BACE2: variants seen among roughly 807,000 people sequenced by gnomAD.
BACE2 encodes the protein 56 kDa aspartic-like protease.
In BACE2, 17 loss-of-function variants were observed where a neutral mutation model predicts 46.2. The ratio of observed to expected loss-of-function variants is 0.37; its 90% CI spans 0.25 to 0.55. BACE2 has a LOEUF of 0.55. BACE2 is among the 20% of genes least tolerant of loss of function. The probability of loss-of-function intolerance (pLI) is 0.82; values close to 1 mark genes in which losing one functional copy is unlikely to be tolerated. For synonymous variants in BACE2, 277 were observed against 295.9 expected (o/e 0.94, Z 0.66); for missense variants, 595 against 698.1 (o/e 0.85, Z 1.66).
At chr21:41,257,755 A>G (rs1346541346) in intron 8 of BACE2, among the ~76,000 whole-genome samples, 4 of 152,218 alleles carry the variant, frequency 2.6e-5, no homozygotes, top group African/African-American at 9.7e-5. Context: ...TGAAATCCTA[A>G]TATAATGAGA....
At chr21:41,250,993 TA>T (rs1987621847) in intron 7 of BACE2, 92 bp downstream of exon 7, 4 of 1,214,908 alleles carry the variant, frequency 3.3e-6, no homozygotes, top group Non-Finnish European at 4.7e-6. Context: ...ACACCTGCAT[TA>T]GATCTCTATC....
intron 2 of BACE2, among the ~76,000 whole-genome samples, chr21:41,229,464 T>C (rs1171909768): frequency 6.6e-6 from 1 of 152,232 alleles, no homozygotes; most frequent in African/African-American, 2.4e-5. Flanking sequence ...ACTTTTTTCA[T>C]GGCAGATAAA....
chr21:41,238,891 C>T (rs1987208023), intron 3 of BACE2, among the ~76,000 whole-genome samples: 1 of 134,260 alleles, frequency 7.4e-6, no homozygotes, highest in Non-Finnish European at 1.5e-5. Context: ...CAGCATGGCA[C>T]ATGTATACAT....
At chr21:41,205,799 C>T (rs1986104779) in intron 1 of BACE2, among the ~76,000 whole-genome samples, 1 of 152,148 alleles carries the variant, frequency 6.6e-6, no homozygotes, top group Admixed American at 6.5e-5. Flanking sequence ...GAAAGAGAAG[C>T]CTGGTCTTCC....
At chr21:41,223,765 T>A (rs78204787) in intron 1 of BACE2, among the ~76,000 whole-genome samples, 6,567 of 152,286 alleles carry the variant, frequency 0.043, 473 homozygotes, top group African/African-American at 0.15. Flanking sequence ...AAAAGATGAC[T>A]ATTAGCCAGC....
intron 1 of BACE2, among the ~76,000 whole-genome samples, chr21:41,206,575 G>T (rs1986132835): frequency 6.6e-6 from 1 of 152,226 alleles, no homozygotes; most frequent in African/African-American, 2.4e-5. Context: ...TTTATGTGAG[G>T]TTCCTGGAGA....
At chr21:41,170,631 G>GGGCA (rs1375302736) in intron 1 of BACE2, among the ~76,000 whole-genome samples, 1 of 152,166 alleles carries the variant, frequency 6.6e-6, no homozygotes, top group Non-Finnish European at 1.5e-5. Flanking sequence ...CGGCTAGAGG[G>GGGCA]GGCAGCAGTG....
At chr21:41,265,907 T>C (rs1219059946) in intron 8 of BACE2, among the ~76,000 whole-genome samples, 3 of 152,250 alleles carry the variant, frequency 2.0e-5, no homozygotes, top group African/African-American at 7.2e-5. Context: ...AGTACTTTCA[T>C]GTTTGATTTA....
At position 41,275,120 on chromosome 21, in the gene BACE2, C is replaced by T. The variant is rs557399799; in HGVS notation, c.1304-251C>T. On this transcript the variant is annotated intron_variant, in intron 8 of 8. Coordinates refer to ENST00000330333, the MANE Select transcript of BACE2 (RefSeq NM_012105.5). ...GGGTGCTTCCATATGTGCCCTGCTG[C>T]AGTTCCCCTCCACACCTAGGCTCGG... 3.9e-5 allele frequency among the ~76,000 whole-genome samples: 6 copies of T among 152,330 alleles called. No homozygotes were observed. In the East Asian group the frequency reaches 1.2e-3, roughly 29 times the overall value.
intron 4 of BACE2, among the ~76,000 whole-genome samples, chr21:41,243,155 G>A (rs546024725): frequency 3.3e-5 from 5 of 152,142 alleles, no homozygotes; most frequent in East Asian, 1.9e-4. Context: ...TTCATGATCC[G>A]CCCACCTCAG....
At chr21:41,172,141 T>C (rs1035111060) in intron 1 of BACE2, among the ~76,000 whole-genome samples, 2 of 152,134 alleles carry the variant, frequency 1.3e-5, no homozygotes, top group African/African-American at 2.4e-5. Flanking sequence ...GAAAAAACAA[T>C]TACTGAGGTT....
intron 1 of BACE2, chr21:41,186,473 G>C (rs565558947): frequency 6.6e-6 from 1 of 152,408 alleles, no homozygotes; most frequent in Non-Finnish European, 1.5e-5. Flanking sequence ...CTGCTTCACC[G>C]TCTCTTGCTG....
chr21:41,244,677 CAG>C (rs1288993140), intron 5 of BACE2, among the ~76,000 whole-genome samples: 1 of 152,180 alleles, frequency 6.6e-6, no homozygotes, highest in Non-Finnish European at 1.5e-5. Context: ...GTCACAGTCA[CAG>C]GGGATAAGAT....
intron 1 of BACE2, among the ~76,000 whole-genome samples, chr21:41,198,979 G>A (rs1005955588): frequency 3.3e-5 from 5 of 150,656 alleles, no homozygotes; most frequent in Admixed American, 1.3e-4. Context: ...CCATTAACTC[G>A]TCATTTACAT....
chr21:41,204,886 G>A (rs902444804), intron 1 of BACE2, among the ~76,000 whole-genome samples: 1 of 152,172 alleles, frequency 6.6e-6, no homozygotes, highest in African/African-American at 2.4e-5. Context: ...CTTTAAGAAA[G>A]TCTTTTTAGA....
chr21:41,208,244 C>G (rs1045665765), intron 1 of BACE2, among the ~76,000 whole-genome samples: 2 of 152,246 alleles, frequency 1.3e-5, no homozygotes, highest in African/African-American at 4.8e-5. Flanking sequence ...TTCCAAGTGA[C>G]TGCTCTCCCC....
chr21:41,187,264 A>G (rs994188039), intron 1 of BACE2, among the ~76,000 whole-genome samples: 3 of 152,202 alleles, frequency 2.0e-5, no homozygotes, highest in Non-Finnish European at 2.9e-5. Context: ...AGGGCAGCTC[A>G]CAGGGGGTTC....
chr21:41,246,687 G>A (rs1041401353), intron 6 of BACE2, among the ~76,000 whole-genome samples: 4 of 152,114 alleles, frequency 2.6e-5, no homozygotes, highest in Non-Finnish European at 5.9e-5. Flanking sequence ...ATGCCTTTTC[G>A]GGACCTGGCT....
At chr21:41,171,251 A>C (rs187906714) in intron 1 of BACE2, among the ~76,000 whole-genome samples, 1 of 152,346 alleles carries the variant, frequency 6.6e-6, no homozygotes, top group Admixed American at 6.5e-5. Flanking sequence ...CTGAATGAGC[A>C]ACAGAATGAA....
Sources: allele counts gnomAD v4.1 joint callset (sites outside exome capture counted in the v4.1 genomes callset), GRCh38; gene constraint gnomAD v4.1.1; transcripts MANE v1.5; gene names NCBI Gene and HGNC (gene_info 2026-07-23, HGNC 2026-07-21).